Variants in CACNA1B observed in about 807,000 individuals in gnomAD.
CACNA1B encodes voltage-dependent N-type calcium channel subunit alpha-1B.
In CACNA1B, 70 loss-of-function variants were observed where a neutral mutation model predicts 247.2. The observed-to-expected ratio is 0.28, with a 90% confidence interval of 0.23 to 0.35. CACNA1B has a LOEUF of 0.35. CACNA1B is among the 10% of genes least tolerant of loss of function. CACNA1B has a pLI of 1.00. For missense variants in CACNA1B, 2,367 were observed against 3,197.4 expected (o/e 0.74, Z 6.26); for synonymous variants, 1,231 against 1,294.4 (o/e 0.95, Z 1.05).
At chr9:137,905,839 G>A (rs1382320128) in intron 3 of CACNA1B, among the ~76,000 whole-genome samples, 2 of 152,230 alleles carry the variant, frequency 1.3e-5, no homozygotes, top group East Asian at 3.8e-4. Flanking sequence ...TGAAGACACT[G>A]TCACCTCCCG....
intron 15 of CACNA1B, among the ~76,000 whole-genome samples, chr9:137,987,402 G>A (rs998202031): frequency 5.3e-5 from 8 of 152,166 alleles, no homozygotes; most frequent in Non-Finnish European, 1.0e-4. Context: ...TTTCTTGGTT[G>A]GGTACTCTCC....
chr9:138,121,668 G>A lies in CACNA1B; in HGVS notation c.6689G>A (p.Arg2230His), dbSNP rs776434429. The A allele has an allele frequency of 7.4e-6, 12 of 1,612,932 alleles. No homozygotes were observed. The highest frequency in any genetic ancestry group is 1.0e-5 in the Non-Finnish European group (12 of 1,179,446). The stretch of plus-strand genomic sequence containing the variant: ...GCCTTCTCCCCAGGCCGGCTCAGCC[G>A]TGGGCTTTCCGAACACAACGCCCTG... ...LPAFSPGRLS[R>H]GLSEHNALLQ... Residue 2230 changes from arginine to histidine, a missense_variant, in exon 47 of 47, where the codon CGT becomes CAT. Coordinates refer to ENST00000371372, the MANE Select transcript of CACNA1B (RefSeq NM_000718.4). This position sits in a 1 kb window ranked among gnomAD's most constrained non-coding sequence, Gnocchi z 6.8.
intron 31 of CACNA1B, among the ~76,000 whole-genome samples, chr9:138,068,873 A>G (rs1234281588): frequency 6.6e-6 from 1 of 152,164 alleles, no homozygotes; most frequent in Non-Finnish European, 1.5e-5. Context: ...AGGCCTTGAT[A>G]CAAGGCAGAT....
intron 1 of CACNA1B, among the ~76,000 whole-genome samples, chr9:137,878,546 C>T (rs1331960426): frequency 6.6e-6 from 1 of 152,158 alleles, no homozygotes; most frequent in African/African-American, 2.4e-5. Flanking sequence ...GCTGTGGGGA[C>T]GCGGCCGTGC....
chr9:137,998,405 G>A lies in CACNA1B; in HGVS notation c.1975-8362G>A, dbSNP rs141918684. The stretch of plus-strand genomic sequence containing the variant: ...GTGGGCAGATCACTTGAGGTCAGGC[G>A]TTCGAGACCAGCTGGCCTACATGGT... On this transcript the variant is annotated intron_variant, in intron 15 of 46. Coordinates refer to ENST00000371372, the MANE Select transcript of CACNA1B (RefSeq NM_000718.4). Among the ~76,000 whole-genome samples, 948 of 152,106 alleles carry A rather than the reference G, an allele frequency of 6.2e-3. 12 individuals carry two copies. Among genetic ancestry groups the A allele is most frequent in the African/African-American group, 0.021 (884 of 41,470 alleles).
At chr9:137,988,667 C>T (rs1002653143) in intron 15 of CACNA1B, among the ~76,000 whole-genome samples, 1 of 152,168 alleles carries the variant, frequency 6.6e-6, no homozygotes, top group Non-Finnish European at 1.5e-5. Context: ...TGGTGAGAGA[C>T]AGCAGAGACC....
rs1564288643 is a variant in CACNA1B at position 138,105,695 on chromosome 9, C to G, written c.5320-4C>G. Reference sequence around the variant, plus strand: ...TGGCCCTGACCGGCCCTGCTTGTCCCTAGCGCCTGGTTCGCATGAACATGC... The same window carrying G: ...TGGCCCTGACCGGCCCTGCTTGTCCGTAGCGCCTGGTTCGCATGAACATGC... On this transcript the variant is annotated splice_region_variant and splice_polypyrimidine_tract_variant and intron_variant, in intron 38 of 46. Transcript: ENST00000371372. The G allele has an allele frequency of 1.3e-6, 2 of 1,535,044 alleles. No homozygotes were observed. The highest frequency in any genetic ancestry group is 1.8e-6 in the Non-Finnish European group (2 of 1,133,406).
chr9:138,015,182 C>G (rs1261147153), intron 18 of CACNA1B, among the ~76,000 whole-genome samples: 2 of 152,204 alleles, frequency 1.3e-5, no homozygotes, highest in African/African-American at 4.8e-5. Flanking sequence ...CCGGCCCAAG[C>G]CAGCCCGAGG....
chr9:138,002,662 G>A (rs1167726414), intron 15 of CACNA1B, among the ~76,000 whole-genome samples: 3 of 151,900 alleles, frequency 2.0e-5, no homozygotes, highest in South Asian at 2.1e-4. Context: ...AGCTAGGATC[G>A]TGCCACTGCG....
At chr9:138,120,963 C>T (rs1253774492) in intron 46 of CACNA1B, 82 bp downstream of exon 46, 2 of 1,443,074 alleles carry the variant, frequency 1.4e-6, no homozygotes, top group Non-Finnish European at 1.9e-6. Context: ...CCTGCCTCTC[C>T]CCAGGGCCTC....
rs373274021 is a variant in CACNA1B, at chr9:137,894,661, GC to G, written c.530+11780del. On this transcript the variant is annotated intron_variant, in intron 3 of 46. Coordinates refer to ENST00000371372, the MANE Select transcript of CACNA1B (RefSeq NM_000718.4). Reference sequence around the variant, plus strand: ...CTGACCTCGTGATCCGCCCACCTCGGCCTCCCAAAGTGCTGGGATTACAGGC... The same window carrying G: ...CTGACCTCGTGATCCGCCCACCTCGGCTCCCAAAGTGCTGGGATTACAGGC... Among the ~76,000 whole-genome samples, 41 of 152,192 alleles carry G rather than the reference GC, an allele frequency of 2.7e-4. No homozygotes were observed. In the East Asian group the frequency reaches 6.8e-3, roughly 25 times the overall value.
intron 6 of CACNA1B, among the ~76,000 whole-genome samples, chr9:137,924,479 C>T (rs1475542135): frequency 2.0e-5 from 3 of 152,012 alleles, no homozygotes; most frequent in East Asian, 3.9e-4. Flanking sequence ...TGCCAGAAAT[C>T]AGCTGGACAT....
In CACNA1B at chr9:138,024,777, T is replaced by C. The variant is rs147513548; in HGVS notation, c.3069-178T>C. ...CCCAGCCTGAATAGCTGGGACTACA[T>C]GCACGTGTCACCACGCCCAGCTAAT... is the stretch of plus-strand genomic sequence containing the variant. On this transcript the variant is annotated intron_variant, in intron 19 of 46. Transcript: ENST00000371372. 2.0e-3 allele frequency among the ~76,000 whole-genome samples: 302 copies of C among 152,292 alleles called. 3 individuals are homozygous for C. The East Asian group carries it at 0.02, about 10-fold the overall frequency.
chr9:138,047,164 G>A (rs1053073257), intron 22 of CACNA1B, 131 bp downstream of exon 22: 3 of 911,626 alleles, frequency 3.3e-6, no homozygotes, highest in African/African-American at 1.7e-5. Context: ...TCCTCTGTCT[G>A]TGTGCCTGGC....
intron 13 of CACNA1B, 104 bp downstream of exon 13, chr9:137,984,354 T>C: frequency 1.3e-6 from 1 of 795,288 alleles, no homozygotes; most frequent in Non-Finnish European, 2.1e-6. Flanking sequence ...ACCCAGAAGC[T>C]CTCTCTGTGG....
chr9:138,002,544 C>CA lies in CACNA1B; in HGVS notation c.1975-4203dup, dbSNP rs554684903. Among the ~76,000 whole-genome samples, 556 of 97,010 alleles carry CA rather than the reference C, an allele frequency of 5.7e-3. 4 individuals carry two copies. Among genetic ancestry groups the CA allele is most frequent in the Middle Eastern group, 0.018 (3 of 166 alleles). The allele number at this position is 97,010 out of a possible 152,430, so 63.6% of individuals were successfully genotyped here. Reference sequence around the variant, plus strand: ...GGGCAACATAATGAAAGCCCATATCCAAAAAAAAAAAAAAAAAAAATAGCT... The same window carrying CA: ...GGGCAACATAATGAAAGCCCATATCCAAAAAAAAAAAAAAAAAAAAATAGCT... On this transcript the variant is annotated intron_variant, in intron 15 of 46. Transcript: ENST00000371372.
intron 6 of CACNA1B, among the ~76,000 whole-genome samples, chr9:137,949,114 TGTGTCCAGTGTGTG>T (rs1957839305): frequency 3.5e-3 from 3 of 860 alleles, no homozygotes; most frequent in East Asian, 0.033. Context: ...GTGGTGGCTG[TGTGTCCAGTGTGTG>T]TGTGTGTGGT....
At position 138,121,758 on chromosome 9, in the gene CACNA1B, TG is replaced by T; in HGVS notation, c.6783del (p.Gln2262SerfsTer39). The T allele has an allele frequency of 1.2e-6, 2 of 1,613,246 alleles. No homozygotes were observed. The highest frequency in any genetic ancestry group is 1.7e-6 in the Non-Finnish European group (2 of 1,179,836). ...PGSRIGSDPY[L>X]GQRLDSEASV... Reference sequence around the variant, plus strand: ...TCTCGAATTGGCTCTGACCCTTACCTGGGGCAGCGTCTGGACAGTGAGGCCT... The same window carrying T: ...TCTCGAATTGGCTCTGACCCTTACCTGGGCAGCGTCTGGACAGTGAGGCCT... On this transcript the variant is annotated frameshift_variant, in exon 47 of 47. Transcript: ENST00000371372. LOFTEE classifies it high-confidence loss of function. This position sits in a 1 kb window ranked among gnomAD's most constrained non-coding sequence, Gnocchi z 6.8.
At chr9:138,042,838 C>T (rs1959141941) in intron 20 of CACNA1B, among the ~76,000 whole-genome samples, 2 of 152,184 alleles carry the variant, frequency 1.3e-5, no homozygotes, top group African/African-American at 4.8e-5. Flanking sequence ...TCAAGGCCTC[C>T]ACAGCGGGCT....
Sources: allele counts gnomAD v4.1 joint callset (sites outside exome capture counted in the v4.1 genomes callset), GRCh38; gene constraint gnomAD v4.1.1; non-coding constraint Gnocchi (gnomAD v3.1); transcripts MANE v1.5; gene names NCBI Gene and HGNC (gene_info 2026-07-23, HGNC 2026-07-21).